The following PPM1H variants were observed in gnomAD, a reference collection of about 807,000 sequenced individuals.
The protein encoded by PPM1H is protein phosphatase 1H.
In PPM1H, 27 loss-of-function variants were observed where a neutral mutation model predicts 54.9. The observed-to-expected ratio is 0.49, with a 90% CI of 0.36 to 0.68. PPM1H has a LOEUF of 0.68. Among genes scored for constraint, PPM1H ranks in the 30% least tolerant of loss-of-function variants. The probability of loss-of-function intolerance (pLI) is 0.00; values close to 1 mark genes in which losing one functional copy is unlikely to be tolerated. For synonymous variants in PPM1H, 305 were observed against 270.8 expected, an observed-to-expected ratio of 1.13 and a Z score of -1.24; for missense variants, 596 against 667.8, an observed-to-expected ratio of 0.89 and a Z score of 1.19.
rs530857939 is a variant in PPM1H at position 62,756,809 on chromosome 12, C to G, written c.870-19223G>C. Among the ~76,000 whole-genome samples, 9 of 152,068 alleles carry G rather than the reference C, an allele frequency of 5.9e-5. No individual in the cohort carries two copies. The South Asian group carries it at 1.9e-3, about 32-fold the overall frequency. On this transcript the variant is annotated intron_variant, in intron 4 of 9. Coordinates refer to ENST00000228705, the MANE Select transcript of PPM1H (RefSeq NM_020700.2). ...CTGTGGGAGCAGCCTCTATAGTAAG[C>G]TGCAGAGATGAGAGGGAAAGAGAAA...
chr12:62,864,921 G>A (rs1245694645), intron 1 of PPM1H, among the ~76,000 whole-genome samples: 2 of 152,154 alleles, frequency 1.3e-5, no homozygotes, highest in Non-Finnish European at 2.9e-5. Flanking sequence ...GACTATTTTA[G>A]GATTATTACT....
At chr12:62,710,330 C>T (rs750334860) in intron 6 of PPM1H, among the ~76,000 whole-genome samples, 1 of 151,884 alleles carries the variant, frequency 6.6e-6, no homozygotes, top group Non-Finnish European at 1.5e-5. Flanking sequence ...TCAGGAGTTC[C>T]AGACCAGCCA....
chr12:62,888,866 G>A (rs763702684), intron 1 of PPM1H, among the ~76,000 whole-genome samples: 2 of 152,192 alleles, frequency 1.3e-5, no homozygotes, highest in Non-Finnish European at 2.9e-5. Flanking sequence ...TCTTGTGAGT[G>A]ATGCAAGGTG....
chr12:62,726,361 T>C (rs382710), intron 5 of PPM1H, among the ~76,000 whole-genome samples: 1 of 152,166 alleles, frequency 6.6e-6, no homozygotes, highest in Admixed American at 6.5e-5. Context: ...TGTACAGTCA[T>C]CAAAATATTT....
At chr12:62,898,516 A>C (rs1019268079) in intron 1 of PPM1H, among the ~76,000 whole-genome samples, 1 of 152,206 alleles carries the variant, frequency 6.6e-6, no homozygotes, top group Non-Finnish European at 1.5e-5. Context: ...ACTTACCTTT[A>C]GGGTGGTTTT....
intron 1 of PPM1H, among the ~76,000 whole-genome samples, chr12:62,835,378 G>A (rs1868472198): frequency 6.6e-6 from 1 of 152,218 alleles, no homozygotes; most frequent in Non-Finnish European, 1.5e-5. Flanking sequence ...ACAGCTAAAT[G>A]CGAACACACT....
At chr12:62,890,759 T>C (rs1592657417) in intron 1 of PPM1H, among the ~76,000 whole-genome samples, 2 of 150,204 alleles carry the variant, frequency 1.3e-5, no homozygotes, top group Non-Finnish European at 2.9e-5. Context: ...CACACACATA[T>C]ATATATATGA....
At chr12:62,846,376 T>C (rs1384292831) in intron 1 of PPM1H, among the ~76,000 whole-genome samples, 1 of 151,936 alleles carries the variant, frequency 6.6e-6, no homozygotes, top group Non-Finnish European at 1.5e-5. Flanking sequence ...GGCAGGCACC[T>C]GTAGTCCCAG....
intron 4 of PPM1H, among the ~76,000 whole-genome samples, chr12:62,740,698 C>T (rs992229621): frequency 2.6e-5 from 4 of 152,230 alleles, no homozygotes; most frequent in South Asian, 2.1e-4. Flanking sequence ...CTACTGCACA[C>T]GGTGCCAGGC....
chr12:62,924,049 C>T (rs1871888761), intron 1 of PPM1H, among the ~76,000 whole-genome samples: 1 of 152,156 alleles, frequency 6.6e-6, no homozygotes, highest in Admixed American at 6.5e-5. Context: ...TGGTAGATGA[C>T]AGATTTGATT....
At chr12:62,816,995 A>C (rs2641551) in intron 2 of PPM1H, among the ~76,000 whole-genome samples, 6,200 of 151,480 alleles carry the variant, frequency 0.041, 365 homozygotes, top group African/African-American at 0.13. Flanking sequence ...GGGGCCTTTA[A>C]AGGGATTCTA....
chr12:62,800,991 C>G (rs912816965), intron 3 of PPM1H, among the ~76,000 whole-genome samples: 1 of 152,222 alleles, frequency 6.6e-6, no homozygotes, highest in Non-Finnish European at 1.5e-5. Flanking sequence ...ATCCACATGC[C>G]TGGGTAAGAC....
chr12:62,653,935 T>G (rs1266244622), intron 9 of PPM1H, among the ~76,000 whole-genome samples: 2 of 151,838 alleles, frequency 1.3e-5, no homozygotes, highest in African/African-American at 4.8e-5. Flanking sequence ...ACCAGGGAAA[T>G]GCAGTCTCCC....
At chr12:62,819,189 G>A (rs2076887713) in intron 2 of PPM1H, among the ~76,000 whole-genome samples, 1 of 148,718 alleles carries the variant, frequency 6.7e-6, no homozygotes, top group Non-Finnish European at 1.5e-5. Flanking sequence ...GAGTGCAGTG[G>A]CGTGATCTCA....
Position 62,905,991 on chromosome 12 carries a change from A to G in PPM1H, c.245+28501T>C, listed in dbSNP as rs1392027639. ...AGCACCATGCTTCAAAAAAACTAGAACTTGTGTGGAAAGTATAACTCCAAA... is the reference window on the plus strand; with the variant it reads ...AGCACCATGCTTCAAAAAAACTAGAGCTTGTGTGGAAAGTATAACTCCAAA... On this transcript the variant is annotated intron_variant, in intron 1 of 9. Transcript: ENST00000228705. Among the ~76,000 whole-genome samples, 3 of 152,198 alleles carry G rather than the reference A, an allele frequency of 2.0e-5. No homozygotes were observed. In the East Asian group the frequency reaches 5.8e-4, roughly 29 times the overall value.
intron 2 of PPM1H, 35 bp from the exon 3 acceptor site, chr12:62,802,195 G>A: frequency 6.7e-7 from 1 of 1,494,140 alleles, no homozygotes. Flanking sequence ...AGTGAGAACG[G>A]CTGTGGACTT....
intron 2 of PPM1H, among the ~76,000 whole-genome samples, chr12:62,806,494 C>T (rs1565794486): frequency 6.6e-6 from 1 of 152,188 alleles, no homozygotes; most frequent in African/African-American, 2.4e-5. Flanking sequence ...TTTGTGTCCT[C>T]TGCCAAATCT....
chr12:62,706,454 T>C (rs11174612), intron 6 of PPM1H, among the ~76,000 whole-genome samples: 17,519 of 152,302 alleles, frequency 0.12, 1,286 homozygotes, highest in South Asian at 0.2. Context: ...GCAGCCATTG[T>C]TAAATTTTCT....
chr12:62,738,996 C>T (rs1489866096), intron 4 of PPM1H, among the ~76,000 whole-genome samples: 2 of 96,892 alleles, frequency 2.1e-5, no homozygotes, highest in Admixed American at 1.0e-4. Context: ...GGGGCGGGGG[C>T]GGCGGAGGGG....
Sources: gnomAD v4.1 joint callset for allele counts (sites outside exome capture counted in the v4.1 genomes callset) on GRCh38, gnomAD v4.1.1 for gene constraint, MANE v1.5 for transcripts, NCBI Gene and HGNC (gene_info 2026-07-23, HGNC 2026-07-21) for gene names.